CSNK1D: variants seen among roughly 807,000 people sequenced by gnomAD.
CSNK1D encodes the protein casein kinase 1 delta.
A neutral mutation model predicts 46.6 loss-of-function variants in CSNK1D; 16 were observed. The observed-to-expected ratio is 0.34, with a 90% confidence interval of 0.23 to 0.52. The LOEUF (loss-of-function observed/expected upper bound fraction) is 0.52. CSNK1D is among the 20% of genes least tolerant of loss of function. CSNK1D has a pLI of 0.95. For missense variants in CSNK1D, 398 were observed against 578.4 expected, an observed-to-expected ratio of 0.69 and a Z score of 3.20; for synonymous variants, 276 against 228.2, an observed-to-expected ratio of 1.21 and a Z score of -1.89.
chr17:82,272,080 C>G (rs966114902), intron 1 of CSNK1D: 4 of 152,282 alleles, frequency 2.6e-5, no homozygotes, highest in African/African-American at 7.2e-5. Flanking sequence ...TTGGGCCAGG[C>G]GCGGTGGCTT....
At chr17:82,239,646 G>A (rs1599565222), downstream of CSNK1D, 5 of 288,228 alleles carry the variant, frequency 1.7e-5, no homozygotes, top group South Asian at 3.3e-4. Context: ...GGGCTGCGGG[G>A]CAGGTGCCTG....
intron 8 of CSNK1D, 138 bp from the exon 9 acceptor site, chr17:82,244,969 C>T: frequency 9.2e-7 from 1 of 1,085,080 alleles, no homozygotes. Flanking sequence ...GCGTCCCCCG[C>T]CACGCACAGG....
downstream of CSNK1D, among the ~76,000 whole-genome samples, chr17:82,242,225 A>G (rs1224931662): frequency 1.3e-3 from 179 of 136,476 alleles, 2 homozygotes; most frequent in African/African-American, 4.2e-3. Context: ...GGGGGGGGGG[A>G]AGAGGAACCC....
At chr17:82,256,002 A>G (rs2147186647) in intron 2 of CSNK1D, among the ~76,000 whole-genome samples, 1 of 152,378 alleles carries the variant, frequency 6.6e-6, no homozygotes, top group East Asian at 1.9e-4. Context: ...GGGTTAGGTG[A>G]GAGAAGAAAA....
In CSNK1D at chr17:82,248,198, A is replaced by C; in HGVS notation, c.1197+677T>G. 1.0e-6 allele frequency: 1 copy of C among 985,614 alleles called. No individual in the cohort carries two copies. Among genetic ancestry groups the C allele is most frequent in the Non-Finnish European group, 1.2e-6 (1 of 830,020 alleles). The allele number at this position is 985,614 out of a possible 1,614,324, so 61.1% of individuals were successfully genotyped here. ...ACAACCCAGAAAACTATTTGAAGAAATATAATGGATCCATATGGAGAAAGC... is the reference window on the plus strand; with the variant it reads ...ACAACCCAGAAAACTATTTGAAGAACTATAATGGATCCATATGGAGAAAGC... On this transcript the variant is annotated intron_variant, in intron 8 of 8. Coordinates refer to ENST00000314028, the MANE Select transcript of CSNK1D (RefSeq NM_001893.6). The surrounding 1 kb of genome is among the most constrained non-coding windows in gnomAD (Gnocchi z 4.1).
intron 3 of CSNK1D, among the ~76,000 whole-genome samples, chr17:82,254,841 G>A (rs1295759267): frequency 2.2e-5 from 3 of 135,190 alleles, no homozygotes; most frequent in Non-Finnish European, 3.1e-5. Context: ...CTGAGCCGCC[G>A]GGGCCTCGAG....
At chr17:82,247,989 G>A (rs1419348428) in intron 8 of CSNK1D, 9 of 985,302 alleles carry the variant, frequency 9.1e-6, no homozygotes, top group Non-Finnish European at 9.6e-6. Flanking sequence ...CCCCGCTCAC[G>A]GCAGCAGGCC....
intron 2 of CSNK1D, chr17:82,261,165 C>T (rs773101777): frequency 6.5e-6 from 1 of 154,890 alleles, no homozygotes; most frequent in Admixed American, 6.5e-5. Context: ...AAGCAACATG[C>T]TCTTGCCTCT....
chr17:82,265,856 T>A, intron 1 of CSNK1D, 60 bp from the exon 2 acceptor site: 1 of 1,336,584 alleles, frequency 7.5e-7, no homozygotes, highest in South Asian at 1.2e-5. Flanking sequence ...TAACCCAACA[T>A]GCTGGAGAAA....
Position 82,248,469 on chromosome 17 carries a change from C to G in CSNK1D, c.1197+406G>C, listed in dbSNP as rs2050907046. 1 of 1,083,094 alleles carries G rather than the reference C, an allele frequency of 9.2e-7. No individual in the cohort carries two copies. Among genetic ancestry groups the G allele is most frequent in the African/African-American group, 1.7e-5 (1 of 59,924 alleles). 67.1% of individuals were successfully genotyped at this position (1,083,094 alleles called of 1,614,324 possible). A position where few individuals can be genotyped will look rare whatever the true frequency, so the allele number is the denominator to read the frequency against. Reference sequence around the variant, plus strand: ...TGGAGGTCCCTACGGGCCTCCATCCCTGGCCAGTGGCAAGAATGAGGAAGA... The same window carrying G: ...TGGAGGTCCCTACGGGCCTCCATCCGTGGCCAGTGGCAAGAATGAGGAAGA... On this transcript the variant is annotated intron_variant, in intron 8 of 8. Coordinates refer to ENST00000314028, the MANE Select transcript of CSNK1D (RefSeq NM_001893.6). This position sits in a 1 kb window ranked among gnomAD's most constrained non-coding sequence, Gnocchi z 4.1.
rs2050791281 is a variant in CSNK1D, at chr17:82,244,119, G to A, written c.*662C>T. 2 of 991,102 alleles carry A rather than the reference G, an allele frequency of 2.0e-6. No individual in the cohort carries two copies. Among genetic ancestry groups the A allele is most frequent in the Non-Finnish European group, 2.4e-6 (2 of 833,124 alleles). The allele number at this position is 991,102 out of a possible 1,614,324, so 61.4% of individuals were successfully genotyped here. On this transcript the variant is annotated 3_prime_UTR_variant, in exon 9 of 9. Coordinates refer to ENST00000314028, the MANE Select transcript of CSNK1D (RefSeq NM_001893.6). ...GGTGAGACGCCAAAATCAGGTTGAA[G>A]AGGTCCCACCACACACGGGCACACA...
chr17:82,251,702 A>C lies in CSNK1D; in HGVS notation c.737-175T>G. 1 of 760,536 alleles carries C rather than the reference A, an allele frequency of 1.3e-6. No individual in the cohort carries two copies. The highest frequency in any genetic ancestry group is 2.3e-6 in the Non-Finnish European group (1 of 444,354). 47.1% of individuals were successfully genotyped at this position (760,536 alleles called of 1,614,324 possible). A position where few individuals can be genotyped will look rare whatever the true frequency, so the allele number is the denominator to read the frequency against. ...CTTGAGAAAGCATCGAAAAGTATTC[A>C]AGTCACGGCCGGGTGCGGCGGCTCA... On this transcript the variant is annotated intron_variant, in intron 5 of 8. Coordinates refer to ENST00000314028, the MANE Select transcript of CSNK1D (RefSeq NM_001893.6). The surrounding 1 kb of genome is among the most constrained non-coding windows in gnomAD (Gnocchi z 4.5).
chr17:82,252,307 C>A lies in CSNK1D; in HGVS notation c.736+127G>T. On this transcript the variant is annotated intron_variant, in intron 5 of 8. Transcript: ENST00000314028. The surrounding 1 kb of genome is among the most constrained non-coding windows in gnomAD (Gnocchi z 4.6). ...CCATACACAAAAGCGCCCCGCTTTCCTGCCACCACCCCTTTGGAAGGTGAG... is the reference window on the plus strand; with the variant it reads ...CCATACACAAAAGCGCCCCGCTTTCATGCCACCACCCCTTTGGAAGGTGAG... The A allele has an allele frequency of 8.9e-7, 1 of 1,124,746 alleles. No homozygotes were observed. Among genetic ancestry groups the A allele is most frequent in the South Asian group, 1.2e-5 (1 of 80,600 alleles). 69.7% of individuals were successfully genotyped at this position (1,124,746 alleles called of 1,614,324 possible). A position where few individuals can be genotyped will look rare whatever the true frequency, so the allele number is the denominator to read the frequency against.
rs748671532 is a variant in CSNK1D at position 82,243,118 on chromosome 17, A to G, written c.*1663T>C. On this transcript the variant is annotated 3_prime_UTR_variant, in exon 9 of 9. Transcript: ENST00000314028. ...CCACCCGCTCAAGGCCCCGTACTCC[A>G]AAACGCTTACACAGTAACCAGCCTA... The G allele has an allele frequency of 5.5e-5, 54 of 985,390 alleles. No homozygotes were observed. Among genetic ancestry groups the G allele is most frequent in the Non-Finnish European group, 6.0e-5 (50 of 829,986 alleles). The allele number at this position is 985,390 out of a possible 1,614,324, so 61.0% of individuals were successfully genotyped here.
At chr17:82,246,786 G>A (rs1198102946) in intron 8 of CSNK1D, 21 of 988,784 alleles carry the variant, frequency 2.1e-5, no homozygotes, top group Non-Finnish European at 2.5e-5. Context: ...GGTCTCCTGA[G>A]AGGAGCAGAA....
chr17:82,241,093 C>T (rs182031607), downstream of CSNK1D, among the ~76,000 whole-genome samples: 7 of 151,836 alleles, frequency 4.6e-5, no homozygotes, highest in East Asian at 3.9e-4. Flanking sequence ...ACCAGAGACA[C>T]GTCCGTCCAG....
At chr17:82,256,787 C>T (rs1011143308) in intron 2 of CSNK1D, among the ~76,000 whole-genome samples, 4 of 152,066 alleles carry the variant, frequency 2.6e-5, no homozygotes, top group East Asian at 1.9e-4. Context: ...CATGTCTCTT[C>T]GGTATGTTTT....
At chr17:82,239,905 A>G, downstream of CSNK1D, 1 of 962,028 alleles carries the variant, frequency 1.0e-6, no homozygotes, top group Non-Finnish European at 1.4e-6. Flanking sequence ...CTGGACACCT[A>G]ACACCCACCT....
In CSNK1D at chr17:82,251,158, T is replaced by C. The variant is rs912572902; in HGVS notation, c.885+221A>G. ...CTGCTGTCCACACCCAGGAATTCCA[T>C]GGACCCCTCTGCGTTCCCTAATGGC... On this transcript the variant is annotated intron_variant, in intron 6 of 8. Transcript: ENST00000314028. This position sits in a 1 kb window ranked among gnomAD's most constrained non-coding sequence, Gnocchi z 4.5. 3.9e-5 allele frequency: 22 copies of C among 558,014 alleles called. No individual in the cohort carries two copies. The highest frequency in any genetic ancestry group is 3.4e-4 in the African/African-American group (18 of 52,958). 34.6% of individuals were successfully genotyped at this position (558,014 alleles called of 1,614,324 possible). A position where few individuals can be genotyped will look rare whatever the true frequency, so the allele number is the denominator to read the frequency against.
Sources: allele counts gnomAD v4.1 joint callset (sites outside exome capture counted in the v4.1 genomes callset), GRCh38; gene constraint gnomAD v4.1.1; non-coding constraint Gnocchi (gnomAD v3.1); transcripts MANE v1.5; gene names NCBI Gene and HGNC (gene_info 2026-07-23, HGNC 2026-07-21).